ATF1: variants seen among roughly 807,000 people sequenced by gnomAD.
ATF1 encodes the protein cyclic AMP-dependent transcription factor ATF-1.
A neutral mutation model predicts 34.7 loss-of-function variants in ATF1; 16 were observed. The observed-to-expected ratio is 0.46, with a 90% CI of 0.31 to 0.70. ATF1 has a LOEUF of 0.70. Ranked by LOEUF, ATF1 falls within the 30% of genes least tolerant of loss-of-function variation. The pLI is 0.05. For synonymous variants in ATF1, 105 were observed against 113.1 expected (o/e 0.93, Z 0.46); for missense variants, 255 against 321.6 (o/e 0.79, Z 1.58).
intron 3 of ATF1, among the ~76,000 whole-genome samples, chr12:50,802,330 G>C (rs1941527579): frequency 6.6e-6 from 1 of 152,212 alleles, no homozygotes; most frequent in Non-Finnish European, 1.5e-5. Context: ...TTTGAGACCT[G>C]CCCGGCCAAC....
chr12:50,773,810 A>T (rs904567346), intron 1 of ATF1, among the ~76,000 whole-genome samples: 3 of 151,504 alleles, frequency 2.0e-5, no homozygotes, highest in African/African-American at 7.3e-5. Context: ...GGCTGGTCTC[A>T]AGCTCCTGAC....
At chr12:50,791,559 A>C (rs1368243909) in intron 2 of ATF1, among the ~76,000 whole-genome samples, 1 of 152,180 alleles carries the variant, frequency 6.6e-6, no homozygotes, top group Non-Finnish European at 1.5e-5. Flanking sequence ...TCTCAAAAAA[A>C]AAAAAAGAAA....
chr12:50,778,856 C>T (rs935494932), intron 1 of ATF1, among the ~76,000 whole-genome samples: 23 of 152,182 alleles, frequency 1.5e-4, no homozygotes, highest in Non-Finnish European at 2.5e-4. Context: ...GCTAGGATTA[C>T]GGCCTTGAGC....
chr12:50,810,172 A>G (rs1466179123), intron 4 of ATF1, among the ~76,000 whole-genome samples: 3 of 149,776 alleles, frequency 2.0e-5, no homozygotes, highest in Non-Finnish European at 4.4e-5. Context: ...TTCCGTACAT[A>G]ATTGCTGTAT....
rs1941804340 is a variant in ATF1 at position 50,814,583 on chromosome 12, G to A, written c.671+144G>A. On this transcript the variant is annotated intron_variant, in intron 6 of 6. Transcript: ENST00000262053. ...ATGGACCACATAAATGAATGACGGT[G>A]GTCCCATAAAATTATAATGGAGCTA... 2.5e-5 allele frequency: 24 copies of A among 964,832 alleles called. No individual in the cohort carries two copies. In the South Asian group the frequency reaches 3.5e-4, roughly 14 times the overall value. 59.8% of individuals were successfully genotyped at this position (964,832 alleles called of 1,614,324 possible).
At chr12:50,807,257 T>C (rs756728851) in intron 3 of ATF1, among the ~76,000 whole-genome samples, 25 of 151,372 alleles carry the variant, frequency 1.7e-4, no homozygotes, top group Non-Finnish European at 2.9e-4. Context: ...AATAAAAAAT[T>C]AGCCAGGTAT....
At chr12:50,773,322 G>T (rs1453786419) in intron 1 of ATF1, among the ~76,000 whole-genome samples, 1 of 151,970 alleles carries the variant, frequency 6.6e-6, no homozygotes, top group Non-Finnish European at 1.5e-5. Context: ...CTACCTGTAG[G>T]TCTTTGAGAA....
rs1400030172 is a variant in ATF1 at position 50,789,213 on chromosome 12, G to A, written c.94-6696G>A. Reference sequence around the variant, plus strand: ...AGTTTGGGTAGCTGGGACTACAGGCGTGCGCCACCATGCCCCGCTAATTTT... The same window carrying A: ...AGTTTGGGTAGCTGGGACTACAGGCATGCGCCACCATGCCCCGCTAATTTT... On this transcript the variant is annotated intron_variant, in intron 2 of 6. Coordinates refer to ENST00000262053, the MANE Select transcript of ATF1 (RefSeq NM_005171.5). Among the ~76,000 whole-genome samples the A allele has an allele frequency of 3.3e-5, 5 of 151,778 alleles. No individual in the cohort carries two copies. In the South Asian group the frequency reaches 1.0e-3, roughly 31 times the overall value.
intron 2 of ATF1, among the ~76,000 whole-genome samples, chr12:50,789,101 CAG>C (rs1941248897): frequency 6.6e-6 from 1 of 151,056 alleles, no homozygotes; most frequent in African/African-American, 2.4e-5. Flanking sequence ...TTTTCGGAGA[CAG>C]AGTCTTGCTC....
rs575062196 is a variant in ATF1, at chr12:50,813,967, A to G, written c.329-43A>G. The G allele has an allele frequency of 1.4e-4, 215 of 1,555,622 alleles. 3 individuals are homozygous for G. In the South Asian group the frequency reaches 2.2e-3, roughly 16 times the overall value. On this transcript the variant is annotated intron_variant, in intron 4 of 6. Transcript: ENST00000262053. ...TTTTGCCACTCCTTTGAATTAGTGT[A>G]TTATATAACCTTACAATAGCTATTT...
chr12:50,774,737 TTTG>T (rs1940868820), intron 1 of ATF1, among the ~76,000 whole-genome samples: 6 of 145,848 alleles, frequency 4.1e-5, no homozygotes, highest in African/African-American at 1.6e-4. Flanking sequence ...AAAAGAGTTT[TTTG>T]TTTTTGTTTT....
intron 4 of ATF1, among the ~76,000 whole-genome samples, chr12:50,812,422 T>C (rs1941756071): frequency 6.6e-6 from 1 of 152,146 alleles, no homozygotes; most frequent in African/African-American, 2.4e-5. Context: ...AGATAGATAA[T>C]GGGACCTTTA....
intron 1 of ATF1, among the ~76,000 whole-genome samples, chr12:50,770,299 C>T (rs1020772907): frequency 1.3e-5 from 2 of 152,156 alleles, no homozygotes; most frequent in South Asian, 4.1e-4. Context: ...TTTAAGGAAT[C>T]AAACTTGACT....
At position 50,814,442 on chromosome 12, in the gene ATF1, A is replaced by G. The variant is rs772796649; in HGVS notation, c.671+3A>G. On this transcript the variant is annotated splice_donor_region_variant and intron_variant, in intron 6 of 6. Coordinates refer to ENST00000262053, the MANE Select transcript of ATF1 (RefSeq NM_005171.5). Reference sequence around the variant, plus strand: ...GAAATAAGGTTAATGAAAAACAGGTAGGTAGTAAAATCGTAGTACCAGAAT... The same window carrying G: ...GAAATAAGGTTAATGAAAAACAGGTGGGTAGTAAAATCGTAGTACCAGAAT... 6.2e-7 allele frequency: 1 copy of G among 1,613,434 alleles called. No homozygotes were observed. The highest frequency in any genetic ancestry group is 1.1e-5 in the South Asian group (1 of 90,958).
chr12:50,802,898 C>G (rs1476479061), intron 3 of ATF1, among the ~76,000 whole-genome samples: 14 of 97,930 alleles, frequency 1.4e-4, no homozygotes, highest in Non-Finnish European at 3.0e-4. Context: ...AAAAAAAGAT[C>G]TAAATAAGTG....
chr12:50,773,594 T>A (rs1940836321), intron 1 of ATF1, among the ~76,000 whole-genome samples: 1 of 151,412 alleles, frequency 6.6e-6, no homozygotes, highest in African/African-American at 2.4e-5. Context: ...GCCAGCTATT[T>A]TTTTTTTTCT....
At chr12:50,814,238 G>A (rs750430771) in intron 5 of ATF1, 42 bp from the exon 6 acceptor site, 2 of 1,613,354 alleles carry the variant, frequency 1.2e-6, no homozygotes, top group Non-Finnish European at 1.7e-6. Context: ...CACTGTCAGA[G>A]ACACTTACTA....
At chr12:50,769,257 C>T (rs1940713233) in intron 1 of ATF1, among the ~76,000 whole-genome samples, 1 of 152,248 alleles carries the variant, frequency 6.6e-6, no homozygotes, top group East Asian at 1.9e-4. Context: ...GTAATCCCAG[C>T]ACTTAGGGAG....
intron 1 of ATF1, among the ~76,000 whole-genome samples, chr12:50,765,735 C>T (rs953573695): frequency 5.9e-5 from 9 of 152,156 alleles, no homozygotes; most frequent in African/African-American, 1.9e-4. Flanking sequence ...AAGAAGCCGG[C>T]CAAAACTGAA....
Sources: allele counts gnomAD v4.1 joint callset (sites outside exome capture counted in the v4.1 genomes callset), GRCh38; gene constraint gnomAD v4.1.1; transcripts MANE v1.5; gene names NCBI Gene and HGNC (gene_info 2026-07-23, HGNC 2026-07-21).